Variants in IPO8 observed in about 807,000 individuals in gnomAD.
IPO8 encodes importin-8.
A neutral mutation model predicts 141.2 loss-of-function variants in IPO8; 65 were observed. That is an observed-to-expected ratio of 0.46 (90% CI 0.38 to 0.57). IPO8 has a LOEUF of 0.57. IPO8 is among the 20% of genes least tolerant of loss of function. IPO8 has a pLI of 0.00. For missense variants in IPO8, 980 were observed against 1,246.8 expected (o/e 0.79, Z 3.22); for synonymous variants, 411 against 420.3 (o/e 0.98, Z 0.27).
intron 22 of IPO8, among the ~76,000 whole-genome samples, chr12:30,635,669 A>T (rs2052491528): frequency 6.6e-6 from 1 of 152,106 alleles, no homozygotes; most frequent in African/African-American, 2.4e-5. Context: ...CAAACCAGGT[A>T]ATATTAACCT....
intron 20 of IPO8, among the ~76,000 whole-genome samples, chr12:30,646,921 G>C (rs1431483041): frequency 6.6e-6 from 1 of 152,168 alleles, no homozygotes; most frequent in Non-Finnish European, 1.5e-5. Context: ...CACAATGCCT[G>C]TCACAATCCC....
chr12:30,672,887 G>A (rs186912200), intron 8 of IPO8, among the ~76,000 whole-genome samples: 62 of 152,088 alleles, frequency 4.1e-4, no homozygotes, highest in African/African-American at 7.0e-4. Flanking sequence ...ACACATAAAC[G>A]GAAGTATTCC....
At chr12:30,668,991 T>A (rs547403720) in intron 10 of IPO8, among the ~76,000 whole-genome samples, 192 bp downstream of exon 10, 1 of 152,228 alleles carries the variant, frequency 6.6e-6, no homozygotes, top group African/African-American at 2.4e-5. Context: ...TGGCTTTTCA[T>A]CTCCCACATC....
Position 30,695,132 on chromosome 12 carries a change from G to C in IPO8, c.84+432C>G, listed in dbSNP as rs559674120. The C allele has an allele frequency of 2.1e-5, 9 of 420,886 alleles. No homozygotes were observed. The highest frequency in any genetic ancestry group is 1.5e-4 in the Admixed American group (5 of 34,426). The allele number at this position is 420,886 out of a possible 1,614,324, so 26.1% of individuals were successfully genotyped here. On this transcript the variant is annotated intron_variant, in intron 1 of 24. Coordinates refer to ENST00000256079, the MANE Select transcript of IPO8 (RefSeq NM_006390.4). The surrounding 1 kb of genome is among the most constrained non-coding windows in gnomAD (Gnocchi z 4.2). Reference sequence around the variant, plus strand: ...GACAGGAGGAGGCGGTGGGCAGCGTGCTCCACAGCAACACCTAAAAAGGGC... The same window carrying C: ...GACAGGAGGAGGCGGTGGGCAGCGTCCTCCACAGCAACACCTAAAAAGGGC...
rs1407902245 is a variant in IPO8, at chr12:30,637,084, T to C, written c.2593A>G (p.Ile865Val). The C allele has an allele frequency of 2.5e-6, 4 of 1,614,026 alleles. No individual in the cohort carries two copies. The highest frequency in any genetic ancestry group is 2.2e-5 in the East Asian group (1 of 44,850). The change falls in exon 22 of 25, where the codon ATT (isoleucine) becomes GTT (valine). Residue 865 changes from isoleucine (I) to valine (V), a missense_variant. By Grantham distance (29) the Ile-to-Val change is conservative. Coordinates refer to ENST00000256079, the MANE Select transcript of IPO8 (RefSeq NM_006390.4). ...DAVVGQIVPS[I>V]LFLFLGLKQV... Reference sequence around the variant, plus strand: ...TTTAGGCCAAGGAAAAGGAAAAGAATTGAGGGAACAATCTGTCCCACCACA... The same window carrying C: ...TTTAGGCCAAGGAAAAGGAAAAGAACTGAGGGAACAATCTGTCCCACCACA...
chr12:30,694,653 T>C (rs2053320404), intron 1 of IPO8, among the ~76,000 whole-genome samples: 1 of 152,188 alleles, frequency 6.6e-6, no homozygotes, highest in African/African-American at 2.4e-5. Context: ...AGTTCTCAGG[T>C]GATGCTGAAG....
intron 2 of IPO8, among the ~76,000 whole-genome samples, chr12:30,685,748 A>C (rs966664018): frequency 3.3e-5 from 5 of 151,774 alleles, no homozygotes; most frequent in Middle Eastern, 6.8e-3. Flanking sequence ...AACATGGTGA[A>C]ACCCCGTCTC....
intron 18 of IPO8, 98 bp downstream of exon 18, chr12:30,652,869 G>C: frequency 8.8e-7 from 1 of 1,133,244 alleles, no homozygotes; most frequent in Non-Finnish European, 1.2e-6. Context: ...AACATTTTCT[G>C]ATCAATATTG....
At chr12:30,650,924 G>A (rs1413817652) in intron 19 of IPO8, among the ~76,000 whole-genome samples, 1 of 151,892 alleles carries the variant, frequency 6.6e-6, no homozygotes, top group Non-Finnish European at 1.5e-5. Flanking sequence ...TGTCATAAAG[G>A]TTAATATTAT....
At chr12:30,687,265 A>G (rs2053251037) in intron 2 of IPO8, among the ~76,000 whole-genome samples, 2 of 152,254 alleles carry the variant, frequency 1.3e-5, no homozygotes, top group African/African-American at 4.8e-5. Flanking sequence ...TAGGATAGTT[A>G]TAATGTAGAA....
At chr12:30,671,301 T>C (rs2053045059) in intron 8 of IPO8, among the ~76,000 whole-genome samples, 1 of 152,178 alleles carries the variant, frequency 6.6e-6, no homozygotes, top group African/African-American at 2.4e-5. Flanking sequence ...CGGTGTCTCA[T>C]TGTAACTTCC....
At chr12:30,646,046 A>G (rs2052641720) in intron 20 of IPO8, among the ~76,000 whole-genome samples, 1 of 152,222 alleles carries the variant, frequency 6.6e-6, no homozygotes, top group Non-Finnish European at 1.5e-5. Flanking sequence ...AGCCAGACAA[A>G]AAACATCACA....
intron 3 of IPO8, among the ~76,000 whole-genome samples, chr12:30,682,214 A>G (rs2053196196): frequency 6.6e-6 from 1 of 152,160 alleles, no homozygotes. Flanking sequence ...AGATAAACCT[A>G]GTCTAAAGAT....
chr12:30,672,190 A>T (rs893062567), intron 8 of IPO8, among the ~76,000 whole-genome samples: 2 of 152,154 alleles, frequency 1.3e-5, no homozygotes, highest in African/African-American at 4.8e-5. Flanking sequence ...TCTTCACCAT[A>T]TCAAGCTTAT....
rs79609553 is a variant in IPO8, at chr12:30,651,136, A to C, written c.2172+1056T>G. Reference sequence around the variant, plus strand: ...TGTGAATTACTAATGGAATACACAGAACTGTTTTACTTGTTTCTTTCCCTC... The same window carrying C: ...TGTGAATTACTAATGGAATACACAGCACTGTTTTACTTGTTTCTTTCCCTC... On this transcript the variant is annotated intron_variant, in intron 19 of 24. Transcript: ENST00000256079. Among the ~76,000 whole-genome samples the C allele has an allele frequency of 4.8e-3, 724 of 152,224 alleles. 1 individual carries two copies. Among genetic ancestry groups the C allele is most frequent in the Non-Finnish European group, 8.4e-3 (571 of 67,952 alleles).
chr12:30,676,894 A>T (rs1439979839), intron 5 of IPO8: 2 of 1,501,684 alleles, frequency 1.3e-6, no homozygotes, highest in South Asian at 2.4e-5. Context: ...TTTATGACTT[A>T]CCCCTTTGAG....
At chr12:30,686,101 G>A (rs2053239803) in intron 2 of IPO8, among the ~76,000 whole-genome samples, 1 of 152,000 alleles carries the variant, frequency 6.6e-6, no homozygotes, top group Non-Finnish European at 1.5e-5. Context: ...ATTCATTTGG[G>A]TGAAAACAAA....
intron 19 of IPO8, among the ~76,000 whole-genome samples, chr12:30,649,865 T>A (rs10771751): frequency 0.53 from 80,386 of 151,844 alleles, 21,698 homozygotes; most frequent in African/African-American, 0.61. Flanking sequence ...AGATTCCCAA[T>A]AATGTTCCTA....
intron 2 of IPO8, among the ~76,000 whole-genome samples, chr12:30,687,336 A>C (rs1415389315): frequency 2.0e-5 from 3 of 152,224 alleles, no homozygotes; most frequent in Non-Finnish European, 4.4e-5. Context: ...GTTTTCCTAC[A>C]AAATCCACTC....
Sources: gnomAD v4.1 joint callset for allele counts (sites outside exome capture counted in the v4.1 genomes callset) on GRCh38, gnomAD v4.1.1 for gene constraint, Gnocchi (gnomAD v3.1) non-coding constraint, MANE v1.5 for transcripts, NCBI Gene and HGNC (gene_info 2026-07-23, HGNC 2026-07-21) for gene names.